TBK1: variants seen among roughly 807,000 people sequenced by gnomAD.
The protein encoded by TBK1 is serine/threonine-protein kinase TBK1.
TBK1 carries 37 observed loss-of-function variants against 99.9 expected under a neutral mutation model. The observed-to-expected ratio is 0.37, with a 90% CI of 0.28 to 0.49. The LOEUF (loss-of-function observed/expected upper bound fraction) is 0.49, where lower values mean the gene tolerates loss of function less well. TBK1 is among the 20% of genes least tolerant of loss of function. The pLI, the probability that TBK1 is intolerant of heterozygous loss-of-function variation, is 0.98. For synonymous variants in TBK1, 258 were observed against 279.8 expected (o/e 0.92, Z 0.78); for missense variants, 644 against 872.5 (o/e 0.74, Z 3.30).
chr12:64,459,206 T>G (rs778112810), intron 2 of TBK1, among the ~76,000 whole-genome samples: 3 of 152,180 alleles, frequency 2.0e-5, no homozygotes, highest in Non-Finnish European at 4.4e-5. Context: ...TTTTCCTGCT[T>G]GCTCTAGGGA....
intron 16 of TBK1, 40 bp from the exon 17 acceptor site, chr12:64,496,909 G>GTGAC: frequency 7.4e-7 from 1 of 1,347,962 alleles, no homozygotes; most frequent in East Asian, 2.4e-5. Context: ...AGTAGAAACA[G>GTGAC]TGACATTGGT....
intron 13 of TBK1, 81 bp from the exon 14 acceptor site, chr12:64,495,402 C>T: frequency 6.6e-7 from 1 of 1,515,910 alleles, no homozygotes; most frequent in East Asian, 2.3e-5. Context: ...GAAATGTGGT[C>T]CAGACTTTAG....
chr12:64,500,753 C>CTT (rs1009756107), intron 20 of TBK1, among the ~76,000 whole-genome samples: 2,699 of 98,820 alleles, frequency 0.027, 89 homozygotes, highest in African/African-American at 0.044. Flanking sequence ...AACTCGGTAT[C>CTT]TTTTTTTTTT....
At chr12:64,460,156 A>T in intron 2 of TBK1, 33 bp from the exon 3 acceptor site, 1 of 1,375,010 alleles carries the variant, frequency 7.3e-7, no homozygotes, top group Non-Finnish European at 9.8e-7. Context: ...CAATATTATG[A>T]ATAAATAAAA....
At chr12:64,454,641 T>A (rs2040465021) in intron 1 of TBK1, among the ~76,000 whole-genome samples, 1 of 151,978 alleles carries the variant, frequency 6.6e-6, no homozygotes, top group Non-Finnish European at 1.5e-5. Flanking sequence ...CATACAGCAT[T>A]TTAGCCTTGA....
chr12:64,474,554 T>G (rs550601737), intron 6 of TBK1, among the ~76,000 whole-genome samples, 164 bp downstream of exon 6: 1 of 152,228 alleles, frequency 6.6e-6, no homozygotes, highest in Non-Finnish European at 1.5e-5. Flanking sequence ...TATAAAAGTT[T>G]GCATAATTTT....
At chr12:64,497,823 T>G (rs950405185) in intron 19 of TBK1, 69 bp downstream of exon 19, 1 of 1,450,934 alleles carries the variant, frequency 6.9e-7, no homozygotes, top group African/African-American at 1.4e-5. Context: ...GCTTTTGCTC[T>G]TACATTTTGA....
At chr12:64,467,260 A>G (rs1029034351) in intron 5 of TBK1, among the ~76,000 whole-genome samples, 178 bp downstream of exon 5, 1 of 152,158 alleles carries the variant, frequency 6.6e-6, no homozygotes, top group African/African-American at 2.4e-5. Flanking sequence ...GGGTGCTGTT[A>G]TTTTTCTATT....
chr12:64,474,211 C>CT lies in TBK1; in HGVS notation c.541-9dup, dbSNP rs369498196. The CT allele has an allele frequency of 2.3e-3, 3,018 of 1,332,954 alleles. 7 individuals carry two copies. Among genetic ancestry groups the CT allele is most frequent in the African/African-American group, 0.019 (1,236 of 66,656 alleles). 82.6% of individuals were successfully genotyped at this position (1,332,954 alleles called of 1,614,324 possible). ...TGGGTCACAGGTTCATGATTTTTTT[C>CT]TTTTTTTTTTAATCTTAGCACCCTG... On this transcript the variant is annotated intron_variant, in intron 5 of 20. Transcript: ENST00000331710.
intron 6 of TBK1, among the ~76,000 whole-genome samples, chr12:64,477,944 A>G (rs2040731444): frequency 6.6e-6 from 1 of 152,206 alleles, no homozygotes; most frequent in African/African-American, 2.4e-5. Context: ...ATAATCCATA[A>G]TTGACCACAC....
At chr12:64,468,401 G>GAC (rs1278329839) in intron 5 of TBK1, among the ~76,000 whole-genome samples, 2 of 151,726 alleles carry the variant, frequency 1.3e-5, no homozygotes, top group Non-Finnish European at 2.9e-5. Flanking sequence ...GGTTGAGGCA[G>GAC]AATTGTCTGA....
intron 11 of TBK1, among the ~76,000 whole-genome samples, chr12:64,486,981 T>G (rs903927296): frequency 3.3e-5 from 5 of 152,144 alleles, no homozygotes; most frequent in African/African-American, 9.7e-5. Flanking sequence ...GAATATATAA[T>G]CTAACAAGCA....
At chr12:64,454,670 ATCTTTT>A (rs2040465585) in intron 1 of TBK1, among the ~76,000 whole-genome samples, 1 of 101,796 alleles carries the variant, frequency 9.8e-6, no homozygotes, top group African/African-American at 3.6e-5. Flanking sequence ...AGAAACTCAG[ATCTTTT>A]TTTTTTTTTT....
intron 5 of TBK1, among the ~76,000 whole-genome samples, chr12:64,469,141 T>A (rs2040635860): frequency 6.6e-6 from 1 of 152,070 alleles, no homozygotes; most frequent in Non-Finnish European, 1.5e-5. Flanking sequence ...ATCTGGAGAA[T>A]GTGTCATAGA....
chr12:64,468,445 C>T lies in TBK1; in HGVS notation c.540+1363C>T, dbSNP rs934398066. 3.8e-4 allele frequency among the ~76,000 whole-genome samples: 58 copies of T among 151,124 alleles called. 1 individual carries two copies. Among genetic ancestry groups the T allele is most frequent in the Non-Finnish European group, 7.5e-4 (51 of 67,862 alleles). On this transcript the variant is annotated intron_variant, in intron 5 of 20. Transcript: ENST00000331710. ...GGTGGAGGTTTCAGTGAGCCGAGAT[C>T]GTGCCACTGCACTCCAGCCTGGGTG...
At position 64,497,703 on chromosome 12, in the gene TBK1, C is replaced by G. The variant is rs766758218; in HGVS notation, c.2015C>G (p.Thr672Ser). 3 of 1,600,116 alleles carry G rather than the reference C, an allele frequency of 1.9e-6. No homozygotes were observed. In the African/African-American group the frequency reaches 4.1e-5, roughly 22 times the overall value. Reference protein sequence around the residue: ...MFTASSGIKHTMTPIYPSSNT... With the variant: ...MFTASSGIKHSMTPIYPSSNT... The stretch of plus-strand genomic sequence containing the variant: ...ACAGCTTCCAGTGGAATCAAACATA[C>G]CATGACCCCAATTTATCCAAGTTCT... The change falls in exon 19 of 21, where the codon ACC (threonine) becomes AGC (serine). Residue 672 changes from threonine to serine, a missense_variant. Physicochemically the swap from Thr to Ser is moderately conservative, Grantham distance 58. Transcript: ENST00000331710.
intron 2 of TBK1, among the ~76,000 whole-genome samples, chr12:64,459,430 C>T (rs1178177952): frequency 1.3e-5 from 2 of 152,224 alleles, no homozygotes; most frequent in Non-Finnish European, 2.9e-5. Context: ...CTCCCAACTA[C>T]AGCTGTGCTT....
At chr12:64,499,157 C>A (rs2040961480) in intron 20 of TBK1, among the ~76,000 whole-genome samples, 1 of 149,414 alleles carries the variant, frequency 6.7e-6, no homozygotes, top group African/African-American at 2.5e-5. Flanking sequence ...GATTCTCCTG[C>A]CTCAGCCTCC....
chr12:64,497,337 T>C (rs974422925), intron 18 of TBK1, 78 bp downstream of exon 18: 9 of 1,085,068 alleles, frequency 8.3e-6, no homozygotes, highest in Non-Finnish European at 1.2e-5. Flanking sequence ...AGAAATGGGA[T>C]AGAATGTGCC....
Sources: gnomAD v4.1 joint callset for allele counts (sites outside exome capture counted in the v4.1 genomes callset) on GRCh38, gnomAD v4.1.1 for gene constraint, MANE v1.5 for transcripts, NCBI Gene and HGNC (gene_info 2026-07-23, HGNC 2026-07-21) for gene names.